MAP2K6: variants seen among roughly 807,000 people sequenced by gnomAD.
MAP2K6 encodes dual specificity mitogen-activated protein kinase kinase 6.
MAP2K6 carries 16 observed loss-of-function variants against 53.7 expected under a neutral mutation model. That is an observed-to-expected ratio of 0.30 (90% CI 0.20 to 0.45). The LOEUF is 0.45. Among genes scored for constraint, MAP2K6 ranks in the 20% least tolerant of loss-of-function variants. The pLI is 1.00. For missense variants in MAP2K6, 204 were observed against 411.9 expected, an observed-to-expected ratio of 0.50 and a Z score of 4.37; for synonymous variants, 132 against 143.1, an observed-to-expected ratio of 0.92 and a Z score of 0.55.
At position 69,552,032 on chromosome 17, in the gene MAP2K6, T is replaced by C. The variant is rs1439492695; in HGVS notation, c.*10279T>C. 6.6e-6 allele frequency: 1 copy of C among 152,272 alleles called. No homozygotes were observed. Among genetic ancestry groups the C allele is most frequent in the African/African-American group, 2.4e-5 (1 of 41,472 alleles). 9.4% of individuals were successfully genotyped at this position (152,272 alleles called of 1,614,324 possible). A position where few individuals can be genotyped will look rare whatever the true frequency, so the allele number is the denominator to read the frequency against. The stretch of plus-strand genomic sequence containing the variant: ...CATAGCTGAAAATGCTGCTTCCGTT[T>C]ATTAATATGGACTTTGTAAGGAAAC... On this transcript the variant is annotated 3_prime_UTR_variant, in exon 12 of 12. Transcript: ENST00000590474.
At chr17:69,480,707 A>C (rs1048141819) in intron 1 of MAP2K6, among the ~76,000 whole-genome samples, 1 of 152,222 alleles carries the variant, frequency 6.6e-6, no homozygotes, top group Admixed American at 6.5e-5. Context: ...AGGGTAGCTA[A>C]ACAAGCAGAA....
chr17:69,530,785 A>G (rs1053769005), intron 10 of MAP2K6, among the ~76,000 whole-genome samples: 1 of 152,150 alleles, frequency 6.6e-6, no homozygotes, highest in East Asian at 1.9e-4. Context: ...AACTTTACGG[A>G]AGCAATTTTA....
At position 69,547,419 on chromosome 17, in the gene MAP2K6, A is replaced by T. The variant is rs1237697492; in HGVS notation, c.*5666A>T. 1.3e-5 allele frequency: 2 copies of T among 152,268 alleles called. No homozygotes were observed. The highest frequency in any genetic ancestry group is 2.9e-5 in the Non-Finnish European group (2 of 68,052). 9.4% of individuals were successfully genotyped at this position (152,268 alleles called of 1,614,324 possible). ...TCTATACGCAATACACAAATGAATGAGCCTGGTGGCTGTGTTCCAATAAAA... is the reference window on the plus strand; with the variant it reads ...TCTATACGCAATACACAAATGAATGTGCCTGGTGGCTGTGTTCCAATAAAA... On this transcript the variant is annotated 3_prime_UTR_variant, in exon 12 of 12. Coordinates refer to ENST00000590474, the MANE Select transcript of MAP2K6 (RefSeq NM_002758.4).
rs200064105 is a variant in MAP2K6, at chr17:69,517,533, A to G, written c.166A>G (p.Ile56Val). 5 of 1,611,226 alleles carry G rather than the reference A, an allele frequency of 3.1e-6. No homozygotes were observed. The highest frequency in any genetic ancestry group is 1.1e-5 in the South Asian group (1 of 90,752). Residue 56 changes from isoleucine (I) to valine (V), a missense_variant, in exon 4 of 12, where the codon ATA (isoleucine) becomes GTA (valine). Coordinates refer to ENST00000590474, the MANE Select transcript of MAP2K6 (RefSeq NM_002758.4). ...FEVKADDLEP[I>V]MELGRGAYGV... ...GGTGAAGGCAGATGACCTGGAGCCT[A>G]TAATGGAACTGGGACGAGGTGCGTA...
At chr17:69,512,339 G>GTTTTTTTT (rs746993199) in intron 2 of MAP2K6, among the ~76,000 whole-genome samples, 3 of 82,110 alleles carry the variant, frequency 3.7e-5, no homozygotes, top group African/African-American at 5.2e-5. Context: ...TTTTTTTTTT[G>GTTTTTTTT]TTTTTTTTTT....
intron 10 of MAP2K6, 31 bp downstream of exon 10, chr17:69,526,740 G>T: frequency 6.2e-7 from 1 of 1,602,616 alleles, no homozygotes; most frequent in Non-Finnish European, 8.5e-7. Flanking sequence ...AAGTGTCAGT[G>T]TGAAAGAAGA....
chr17:69,452,601 G>A (rs1907268061), intron 1 of MAP2K6, among the ~76,000 whole-genome samples: 1 of 152,144 alleles, frequency 6.6e-6, no homozygotes, highest in African/African-American at 2.4e-5. Flanking sequence ...AGATTAAAGT[G>A]GAGTTTCATT....
At chr17:69,534,022 C>CT (rs1911228047) in intron 10 of MAP2K6, among the ~76,000 whole-genome samples, 3 of 152,168 alleles carry the variant, frequency 2.0e-5, no homozygotes, top group Non-Finnish European at 4.4e-5. Flanking sequence ...GCACTCATGA[C>CT]ATTTTGGGCT....
intron 1 of MAP2K6, chr17:69,435,299 G>A (rs1194978458): frequency 1.3e-5 from 2 of 152,238 alleles, no homozygotes; most frequent in East Asian, 3.9e-4. Context: ...CACTTTGGGA[G>A]TCTGAGGCAG....
In MAP2K6 at chr17:69,543,475, A is replaced by T. The variant is rs372265081; in HGVS notation, c.*1722A>T. On this transcript the variant is annotated 3_prime_UTR_variant, in exon 12 of 12. Coordinates refer to ENST00000590474, the MANE Select transcript of MAP2K6 (RefSeq NM_002758.4). Reference sequence around the variant, plus strand: ...GTTCCAAGATATATCTGCTTGATTAAACATGAGCTTCCTCTGCTCTGAAGC... The same window carrying T: ...GTTCCAAGATATATCTGCTTGATTATACATGAGCTTCCTCTGCTCTGAAGC... 6.6e-6 allele frequency: 1 copy of T among 152,284 alleles called. No homozygotes were observed. Among genetic ancestry groups the T allele is most frequent in the African/African-American group, 2.4e-5 (1 of 41,572 alleles). The allele number at this position is 152,284 out of a possible 1,614,324, so 9.4% of individuals were successfully genotyped here.
At chr17:69,453,530 T>G (rs1239207639) in intron 1 of MAP2K6, among the ~76,000 whole-genome samples, 1 of 152,240 alleles carries the variant, frequency 6.6e-6, no homozygotes, top group Admixed American at 6.5e-5. Flanking sequence ...ACATTCATTT[T>G]CTTTCCTTTA....
At chr17:69,417,980 G>A (rs893543262) in intron 1 of MAP2K6, among the ~76,000 whole-genome samples, 5 of 152,204 alleles carry the variant, frequency 3.3e-5, no homozygotes, top group African/African-American at 1.2e-4. Flanking sequence ...GCACAATTCA[G>A]AAGCATATAG....
At chr17:69,510,883 T>C (rs1909775624) in intron 2 of MAP2K6, among the ~76,000 whole-genome samples, 1 of 152,120 alleles carries the variant, frequency 6.6e-6, no homozygotes, top group Non-Finnish European at 1.5e-5. Flanking sequence ...TCAACTTTAT[T>C]GATTTTTTTT....
intron 1 of MAP2K6, among the ~76,000 whole-genome samples, chr17:69,478,422 A>C (rs1321402053): frequency 2.0e-5 from 3 of 152,096 alleles, no homozygotes; most frequent in East Asian, 1.9e-4. Context: ...GCTAGCTCTC[A>C]TTCATGTTTT....
chr17:69,467,561 C>T (rs969257826), intron 1 of MAP2K6, among the ~76,000 whole-genome samples: 1 of 152,090 alleles, frequency 6.6e-6, no homozygotes, highest in Non-Finnish European at 1.5e-5. Context: ...GAGTCTTTTT[C>T]CATTTTCACT....
intron 8 of MAP2K6, among the ~76,000 whole-genome samples, chr17:69,524,365 A>C (rs975356287): frequency 1.9e-4 from 29 of 151,656 alleles, no homozygotes; most frequent in African/African-American, 5.3e-4. Context: ...ATTAGTTATG[A>C]GAGGACCTCA....
chr17:69,477,847 C>T (rs1221685749), intron 1 of MAP2K6, among the ~76,000 whole-genome samples: 7 of 152,050 alleles, frequency 4.6e-5, no homozygotes, highest in Non-Finnish European at 7.4e-5. Context: ...AGCAGATGCA[C>T]AGATAACTTT....
chr17:69,445,634 C>A (rs1015329646), intron 1 of MAP2K6, among the ~76,000 whole-genome samples: 1 of 152,046 alleles, frequency 6.6e-6, no homozygotes, highest in African/African-American at 2.4e-5. Flanking sequence ...AGGCTAGGAC[C>A]GAATCTCTCC....
Position 69,509,838 on chromosome 17 carries a change from G to A in MAP2K6, c.83+3992G>A, listed in dbSNP as rs142153844. On this transcript the variant is annotated intron_variant, in intron 2 of 11. Transcript: ENST00000590474. ...CTCAGTATACTGAGAGGTTCTTTTT[G>A]ATTGTTTGTTTTTGTTTTTTTGAGA... 8.0e-3 allele frequency among the ~76,000 whole-genome samples: 1,218 copies of A among 151,882 alleles called. 24 individuals carry two copies. The highest frequency in any genetic ancestry group is 0.027 in the African/African-American group (1,107 of 41,444).
Sources: allele counts gnomAD v4.1 joint callset (sites outside exome capture counted in the v4.1 genomes callset), GRCh38; gene constraint gnomAD v4.1.1; transcripts MANE v1.5; gene names NCBI Gene and HGNC (gene_info 2026-07-23, HGNC 2026-07-21).